The following SIL1 variants were observed in gnomAD, a reference collection of about 807,000 sequenced individuals.
The protein encoded by SIL1 is nucleotide exchange factor SIL1.
In SIL1, 40 loss-of-function variants were observed where a neutral mutation model predicts 49.1. The ratio of observed to expected loss-of-function variants is 0.81; its 90% CI spans 0.63 to 1.06. The LOEUF (loss-of-function observed/expected upper bound fraction) is 1.06, where lower values mean the gene tolerates loss of function less well. Ranked by LOEUF, SIL1 falls within the 50% of genes least tolerant of loss-of-function variation. The probability of loss-of-function intolerance (pLI) is 0.00; values close to 1 mark genes in which losing one functional copy is unlikely to be tolerated. For synonymous variants in SIL1, 253 were observed against 250.8 expected, an observed-to-expected ratio of 1.01 and a Z score of -0.08; for missense variants, 500 against 572.6, an observed-to-expected ratio of 0.87 and a Z score of 1.29.
At chr5:139,031,461 C>G (rs1054749829) in intron 5 of SIL1, among the ~76,000 whole-genome samples, 3 of 152,132 alleles carry the variant, frequency 2.0e-5, no homozygotes, top group Admixed American at 2.0e-4. Context: ...CTACTCTGTT[C>G]CATTGATCTA....
At chr5:139,113,494 ACT>A (rs1218279753) in intron 3 of SIL1, among the ~76,000 whole-genome samples, 5 of 150,018 alleles carry the variant, frequency 3.3e-5, no homozygotes, top group Non-Finnish European at 5.9e-5. Flanking sequence ...AAGCAGATAT[ACT>A]CTCACTTCAG....
intron 1 of SIL1, among the ~76,000 whole-genome samples, chr5:139,173,252 A>G (rs1168733243): frequency 6.6e-6 from 1 of 152,192 alleles, no homozygotes; most frequent in East Asian, 1.9e-4. Context: ...TAAAGAATAT[A>G]CACCAAAAAA....
chr5:139,157,814 T>C (rs1751432935), intron 1 of SIL1, among the ~76,000 whole-genome samples: 1 of 152,176 alleles, frequency 6.6e-6, no homozygotes, highest in Non-Finnish European at 1.5e-5. Flanking sequence ...TTTGGTGGAA[T>C]AGCAAAGGGG....
intron 7 of SIL1, among the ~76,000 whole-genome samples, chr5:138,980,758 T>C (rs970921417): frequency 1.5e-4 from 23 of 152,308 alleles, no homozygotes; most frequent in African/African-American, 5.5e-4. Context: ...TTAAAGTGGC[T>C]GAATAAACAG....
intron 7 of SIL1, among the ~76,000 whole-genome samples, chr5:138,960,411 GTCTT>G (rs1766992285): frequency 7.0e-6 from 1 of 143,188 alleles, no homozygotes; most frequent in Non-Finnish European, 1.5e-5. Context: ...ACAAATCTAC[GTCTT>G]TTTTTTTTTT....
At chr5:139,055,819 C>T (rs1036011127) in intron 3 of SIL1, among the ~76,000 whole-genome samples, 3 of 150,054 alleles carry the variant, frequency 2.0e-5, no homozygotes, top group Non-Finnish European at 3.0e-5. Flanking sequence ...TGCAGGCACG[C>T]GCCGCCACGC....
intron 3 of SIL1, among the ~76,000 whole-genome samples, chr5:139,115,212 C>A (rs1223500559): frequency 6.6e-6 from 1 of 152,278 alleles, no homozygotes; most frequent in African/African-American, 2.4e-5. Context: ...GCTTTGCCCC[C>A]CTTAGTCTCA....
intron 7 of SIL1, among the ~76,000 whole-genome samples, chr5:138,958,410 A>T (rs573210108): frequency 6.6e-6 from 1 of 152,320 alleles, no homozygotes; most frequent in Non-Finnish European, 1.5e-5. Context: ...TATCTGCCAG[A>T]TTTCTCCACT....
chr5:139,162,445 C>A (rs1414634030), intron 1 of SIL1, among the ~76,000 whole-genome samples: 1 of 152,160 alleles, frequency 6.6e-6, no homozygotes, highest in Non-Finnish European at 1.5e-5. Context: ...CAAAGCCTAG[C>A]AACCACAAAC....
intron 1 of SIL1, among the ~76,000 whole-genome samples, chr5:139,144,530 CAA>C (rs1297624894): frequency 6.6e-6 from 1 of 152,100 alleles, no homozygotes; most frequent in Admixed American, 6.5e-5. Context: ...CTGATTTTTA[CAA>C]AAGTGTTATT....
intron 7 of SIL1, among the ~76,000 whole-genome samples, chr5:139,007,671 G>T (rs1181577399): frequency 6.0e-5 from 7 of 116,750 alleles, no homozygotes; most frequent in African/African-American, 2.5e-4. Context: ...TTAGCATGAA[G>T]GGTTGTTGAA....
chr5:139,036,856 T>C (rs1768925435), intron 5 of SIL1, among the ~76,000 whole-genome samples: 1 of 152,182 alleles, frequency 6.6e-6, no homozygotes, highest in African/African-American at 2.4e-5. Context: ...AGTTAAAAAT[T>C]AGAAAATAAA....
rs563638046 is a variant in SIL1, at chr5:139,018,682, T to C, written c.767+2489A>G. Among the ~76,000 whole-genome samples, 7 of 151,928 alleles carry C rather than the reference T, an allele frequency of 4.6e-5. No homozygotes were observed. The South Asian group carries it at 1.5e-3, about 32-fold the overall frequency. ...AGAGAAAATGAGGAAGATAAAGGTT[T>C]TTATTGCAGAAAGAAAAGAAATAAG... On this transcript the variant is annotated intron_variant, in intron 7 of 9. Transcript: ENST00000394817.
At chr5:139,004,938 A>G (rs974678129) in intron 7 of SIL1, among the ~76,000 whole-genome samples, 3 of 152,228 alleles carry the variant, frequency 2.0e-5, no homozygotes, top group Admixed American at 2.0e-4. Context: ...AATGGTACTT[A>G]CCAAGGGCTG....
intron 3 of SIL1, among the ~76,000 whole-genome samples, chr5:139,088,033 T>A (rs1316973049): frequency 6.6e-6 from 1 of 152,126 alleles, no homozygotes; most frequent in East Asian, 1.9e-4. Context: ...CATGGAACAC[T>A]GCCTCTGCTC....
chr5:139,127,845 G>T lies in SIL1; in HGVS notation c.-2C>A. 6.3e-7 allele frequency: 1 copy of T among 1,595,210 alleles called. No homozygotes were observed. Among genetic ancestry groups the T allele is most frequent in the African/African-American group, 1.3e-5 (1 of 74,454 alleles). On this transcript the variant is annotated 5_prime_UTR_variant, in exon 2 of 10. Coordinates refer to ENST00000394817, the MANE Select transcript of SIL1 (RefSeq NM_022464.5). ...TGAAGGCAGGCTCTGGGGAGCCATA[G>T]TCAGGGACCTGCAGGTGCAAGCATA...
Position 139,123,348 on chromosome 5 carries a change from G to C in SIL1, c.106-2175C>G, listed in dbSNP as rs1490030810. ...AGAACTTCCAACAGCTGAGTTTCCAGAGGGCAGGCACCATGTCAGTCTCCT... is the reference window on the plus strand; with the variant it reads ...AGAACTTCCAACAGCTGAGTTTCCACAGGGCAGGCACCATGTCAGTCTCCT... On this transcript the variant is annotated intron_variant, in intron 2 of 9. Coordinates refer to ENST00000394817, the MANE Select transcript of SIL1 (RefSeq NM_022464.5). 2.6e-5 allele frequency among the ~76,000 whole-genome samples: 4 copies of C among 152,208 alleles called. No individual in the cohort carries two copies. The East Asian group carries it at 7.7e-4, about 29-fold the overall frequency.
intron 5 of SIL1, among the ~76,000 whole-genome samples, chr5:139,032,190 A>C (rs780528159): frequency 7.2e-5 from 11 of 152,328 alleles, no homozygotes; most frequent in Non-Finnish European, 1.3e-4. Flanking sequence ...TTTCACTGTT[A>C]AGTATAATAT....
At chr5:139,101,963 T>G (rs1207043776) in intron 3 of SIL1, among the ~76,000 whole-genome samples, 1 of 152,160 alleles carries the variant, frequency 6.6e-6, no homozygotes, top group South Asian at 2.1e-4. Context: ...CATGGTATTA[T>G]CTAAAACGCC....
Sources: gnomAD v4.1 joint callset for allele counts (sites outside exome capture counted in the v4.1 genomes callset) on GRCh38, gnomAD v4.1.1 for gene constraint, MANE v1.5 for transcripts, NCBI Gene and HGNC (gene_info 2026-07-23, HGNC 2026-07-21) for gene names.